Variants in MICU1 observed in about 807,000 individuals in gnomAD.
The protein encoded by MICU1 is calcium uptake protein 1, mitochondrial.
MICU1 carries 45 observed loss-of-function variants against 56.8 expected under a neutral mutation model. The observed-to-expected ratio is 0.79, with a 90% confidence interval of 0.62 to 1.02. The LOEUF is 1.02. Ranked by LOEUF, MICU1 falls within the 50% of genes least tolerant of loss-of-function variation. The pLI is 0.00. For missense variants in MICU1, 504 were observed against 587.1 expected, an observed-to-expected ratio of 0.86 and a Z score of 1.46; for synonymous variants, 186 against 195.1, an observed-to-expected ratio of 0.95 and a Z score of 0.39.
intron 6 of MICU1, among the ~76,000 whole-genome samples, chr10:72,500,224 T>C (rs952494025): frequency 5.0e-5 from 7 of 141,270 alleles, no homozygotes; most frequent in African/African-American, 1.8e-4. Context: ...AGTAAGGAAG[T>C]TGCTTAATGA....
chr10:72,477,485 T>G, intron 6 of MICU1: 1 of 1,517,990 alleles, frequency 6.6e-7, no homozygotes, highest in Non-Finnish European at 8.8e-7. Flanking sequence ...AAGACAGCAC[T>G]TGTCTACCTT....
intron 6 of MICU1, chr10:72,503,093 T>C (rs2132335199): frequency 6.6e-6 from 1 of 152,644 alleles, no homozygotes; most frequent in Non-Finnish European, 1.5e-5. Context: ...ACAGGTTCTT[T>C]AACCCTCTGT....
Position 72,368,263 on chromosome 10 carries a change from G to A in MICU1, c.1363C>T (p.Arg455Cys), listed in dbSNP as rs772587119. Residue 455 changes from arginine to cysteine, a missense_variant, in exon 12 of 12, where the codon CGC becomes TGC. By Grantham distance (180) the Arg-to-Cys change is radical (BLOSUM62 -3). Transcript: ENST00000361114. ...CATTTCCACATGGCCTGCATGAGGCGAGTGAAACCCATGTCTTTGGGCTTT... is the reference window on the plus strand; with the variant it reads ...CATTTCCACATGGCCTGCATGAGGCAAGTGAAACCCATGTCTTTGGGCTTT... ...LEKPKDMGFT[R>C]LMQAMWKCAQ... 5 of 1,613,874 alleles carry A rather than the reference G, an allele frequency of 3.1e-6. No individual in the cohort carries two copies. Among genetic ancestry groups the A allele is most frequent in the African/African-American group, 1.3e-5 (1 of 74,914 alleles).
At chr10:72,521,409 A>G (rs1376656257) in intron 5 of MICU1, among the ~76,000 whole-genome samples, 2 of 152,108 alleles carry the variant, frequency 1.3e-5, no homozygotes, top group African/African-American at 4.8e-5. Context: ...CTTAAGCATT[A>G]TACTTCGCAT....
At chr10:72,576,225 C>CAAAA (rs34829939) in intron 1 of MICU1, among the ~76,000 whole-genome samples, 206 of 67,918 alleles carry the variant, frequency 3.0e-3, no homozygotes, top group Non-Finnish European at 3.3e-3. Flanking sequence ...AAAAAAACAC[C>CAAAA]AAAAAAAAAA....
intron 10 of MICU1, among the ~76,000 whole-genome samples, chr10:72,392,581 A>AAAAAATAAAAT (rs61382587): frequency 0.071 from 10,776 of 152,092 alleles, 1,310 homozygotes; most frequent in African/African-American, 0.25. Context: ...AAAAAAATTA[A>AAAAAATAAAAT]AAAAATAAAA....
chr10:72,514,811 C>G (rs934626471), intron 5 of MICU1, among the ~76,000 whole-genome samples: 1 of 152,140 alleles, frequency 6.6e-6, no homozygotes, highest in African/African-American at 2.4e-5. Flanking sequence ...TTCTTCTGAA[C>G]ATTCATTCAA....
At chr10:72,476,607 T>C (rs1313263974) in intron 7 of MICU1, among the ~76,000 whole-genome samples, 1 of 152,168 alleles carries the variant, frequency 6.6e-6, no homozygotes, top group Non-Finnish European at 1.5e-5. Flanking sequence ...ATTTTGAGAA[T>C]ACAAAAAATG....
chr10:72,372,484 TA>T (rs901950161), intron 11 of MICU1, among the ~76,000 whole-genome samples: 3 of 150,742 alleles, frequency 2.0e-5, no homozygotes, highest in Non-Finnish European at 4.4e-5. Context: ...AAAACAAATT[TA>T]AAAAAAAATG....
chr10:72,474,620 T>C (rs2132267267), intron 8 of MICU1, among the ~76,000 whole-genome samples: 1 of 152,258 alleles, frequency 6.6e-6, no homozygotes, highest in Middle Eastern at 3.4e-3. Context: ...GCCTCCCGGG[T>C]AGCTGGGACT....
At chr10:72,518,680 G>T (rs546929608) in intron 5 of MICU1, among the ~76,000 whole-genome samples, 1 of 152,150 alleles carries the variant, frequency 6.6e-6, no homozygotes, top group East Asian at 1.9e-4. Flanking sequence ...AATAGAACTG[G>T]ATATTCTTTT....
intron 1 of MICU1, among the ~76,000 whole-genome samples, chr10:72,596,435 CAAAA>C (rs1564954224): frequency 6.6e-6 from 1 of 151,826 alleles, no homozygotes; most frequent in Non-Finnish European, 1.5e-5. Flanking sequence ...GACCCTGTCT[CAAAA>C]AAAGATTTTT....
At chr10:72,394,045 G>C (rs1040774262) in intron 10 of MICU1, among the ~76,000 whole-genome samples, 1 of 152,192 alleles carries the variant, frequency 6.6e-6, no homozygotes, top group South Asian at 2.1e-4. Context: ...GGGATTACAG[G>C]TGTGAGCCAA....
chr10:72,453,938 C>T (rs1442668986), intron 8 of MICU1, among the ~76,000 whole-genome samples: 5 of 152,022 alleles, frequency 3.3e-5, no homozygotes, highest in African/African-American at 9.7e-5. Context: ...CTGGTTCAAG[C>T]GATTTTCTTG....
At chr10:72,558,143 G>C (rs1840205533) in intron 3 of MICU1, among the ~76,000 whole-genome samples, 1 of 151,944 alleles carries the variant, frequency 6.6e-6, no homozygotes, top group South Asian at 2.1e-4. Context: ...TCTGTAAACG[G>C]ATCTCACAAT....
chr10:72,377,161 C>A (rs1052360421), intron 10 of MICU1, among the ~76,000 whole-genome samples: 17 of 152,184 alleles, frequency 1.1e-4, no homozygotes, highest in African/African-American at 3.6e-4. Context: ...ACTCTGTCCG[C>A]CAGACTGGAG....
intron 2 of MICU1, among the ~76,000 whole-genome samples, chr10:72,566,421 C>A (rs1239805624): frequency 6.6e-6 from 1 of 152,174 alleles, no homozygotes; most frequent in African/African-American, 2.4e-5. Context: ...AGGAGACAGG[C>A]AGACCTTGAA....
intron 1 of MICU1, among the ~76,000 whole-genome samples, chr10:72,615,398 G>A (rs970363129): frequency 4.6e-5 from 7 of 152,130 alleles, no homozygotes; most frequent in South Asian, 4.1e-4. Context: ...GATTACAGGT[G>A]TGAGCAACAG....
chr10:72,401,339 A>G (rs939257182), intron 10 of MICU1, among the ~76,000 whole-genome samples: 1 of 152,244 alleles, frequency 6.6e-6, no homozygotes, highest in East Asian at 1.9e-4. Context: ...AATAATTACC[A>G]CAATCAAGCT....
Sources: allele counts gnomAD v4.1 joint callset (sites outside exome capture counted in the v4.1 genomes callset), GRCh38; gene constraint gnomAD v4.1.1; transcripts MANE v1.5; gene names NCBI Gene and HGNC (gene_info 2026-07-23, HGNC 2026-07-21).